Variants in RALGPS1 observed in about 807,000 individuals in gnomAD.
RALGPS1 encodes the protein ras-specific guanine nucleotide-releasing factor RalGPS1.
RALGPS1 carries 19 observed loss-of-function variants against 78.8 expected under a neutral mutation model. The observed-to-expected ratio is 0.24, with a 90% CI of 0.17 to 0.35. The LOEUF is 0.35. Ranked by LOEUF, RALGPS1 falls within the 10% of genes least tolerant of loss-of-function variation. RALGPS1 has a pLI of 1.00. For missense variants in RALGPS1, 454 were observed against 688.3 expected (o/e 0.66, Z 3.81); for synonymous variants, 228 against 256.3 (o/e 0.89, Z 1.06).
chr9:127,213,563 A>T (rs1455226135), intron 17 of RALGPS1, among the ~76,000 whole-genome samples: 2 of 152,178 alleles, frequency 1.3e-5, no homozygotes, highest in Non-Finnish European at 2.9e-5. Flanking sequence ...AGGAGGAGAG[A>T]TTCTGGATGC....
Position 127,211,285 on chromosome 9 carries a change from G to A in RALGPS1, c.1248-846G>A, listed in dbSNP as rs1000414993. Among the ~76,000 whole-genome samples the A allele has an allele frequency of 6.6e-6, 1 of 152,192 alleles. No homozygotes were observed. Among genetic ancestry groups the A allele is most frequent in the Non-Finnish European group, 1.5e-5 (1 of 68,028 alleles). ...CTGTGGGCAGGTGGAGGAGAGGAGA[G>A]GGGGAGGGTGGAGGCACTGGCCGGT... On this transcript the variant is annotated intron_variant, in intron 14 of 18. Transcript: ENST00000259351. The surrounding 1 kb of genome is among the most constrained non-coding windows in gnomAD (Gnocchi z 5.0).
At chr9:127,166,311 A>G in intron 9 of RALGPS1, 105 bp downstream of exon 9, 1 of 1,364,230 alleles carries the variant, frequency 7.3e-7, no homozygotes, top group Non-Finnish European at 1.0e-6. Context: ...AAAGTTCCTC[A>G]TTTTAATATA....
chr9:127,191,918 T>G (rs569688323), intron 11 of RALGPS1, among the ~76,000 whole-genome samples: 2 of 152,102 alleles, frequency 1.3e-5, no homozygotes, highest in East Asian at 1.9e-4. Context: ...AGGATGGTCT[T>G]GATCTCCTGA....
chr9:127,153,513 A>G (rs2058545239), intron 8 of RALGPS1, among the ~76,000 whole-genome samples: 1 of 148,732 alleles, frequency 6.7e-6, no homozygotes. Flanking sequence ...GTTCTGCTGT[A>G]TACCCCTGTG....
chr9:126,916,863 A>G (rs2034222049), intron 1 of RALGPS1, among the ~76,000 whole-genome samples: 1 of 152,198 alleles, frequency 6.6e-6, no homozygotes, highest in African/African-American at 2.4e-5. Context: ...AGGGGCGGGG[A>G]GAAGGAAGCA....
At chr9:127,058,776 T>G (rs973281762) in intron 7 of RALGPS1, among the ~76,000 whole-genome samples, 51 of 152,196 alleles carry the variant, frequency 3.4e-4, no homozygotes, top group African/African-American at 1.2e-3. Context: ...TGTGCGCATG[T>G]ACATAAACAC....
rs765022403 is a variant in RALGPS1, at chr9:127,069,289, A to G, written c.543A>G (p.Glu181=). The G allele has an allele frequency of 6.2e-7, 1 of 1,613,694 alleles. No homozygotes were observed. Among genetic ancestry groups the G allele is most frequent in the South Asian group, 1.1e-5 (1 of 91,072 alleles). Reference sequence around the variant, plus strand: ...AATTGGACTACCTGATGTCGAAAGAAGATAATTACAAGCGGACACGGGAAT... The same window carrying G: ...AATTGGACTACCTGATGTCGAAAGAGGATAATTACAAGCGGACACGGGAAT... ...FEKLDYLMSK[E]DNYKRTREYI... is the part of the protein sequence containing the mutation. The change falls in exon 8 of 19, where the codon GAA becomes GAG. Residue 181 remains glutamate (E), a synonymous_variant. Coordinates refer to ENST00000259351, the MANE Select transcript of RALGPS1 (RefSeq NM_014636.3).
chr9:126,991,382 C>G (rs1479591109), intron 4 of RALGPS1, among the ~76,000 whole-genome samples: 1 of 152,076 alleles, frequency 6.6e-6, no homozygotes, highest in Non-Finnish European at 1.5e-5. Context: ...AACTTCGAGA[C>G]TCATTTTTTT....
rs191485612 is a variant in RALGPS1, at chr9:127,132,399, C to T, written c.611-33670C>T. 1.3e-3 allele frequency among the ~76,000 whole-genome samples: 193 copies of T among 152,364 alleles called. 4 individuals are homozygous for T. The highest frequency in any genetic ancestry group is 8.8e-3 in the Admixed American group (135 of 15,310). On this transcript the variant is annotated intron_variant, in intron 8 of 18. Coordinates refer to ENST00000259351, the MANE Select transcript of RALGPS1 (RefSeq NM_014636.3). ...TTCTGTGAATTATCTACCACCACCA[C>T]AACAAAACACCTGAAGCATGGCTCA...
intron 11 of RALGPS1, among the ~76,000 whole-genome samples, chr9:127,192,208 G>A (rs183655962): frequency 1.0e-3 from 159 of 152,352 alleles, no homozygotes; most frequent in African/African-American, 3.7e-3. Context: ...GACAAGAGAG[G>A]TGGGCAGGGA....
chr9:126,919,513 T>G (rs1251308498), intron 1 of RALGPS1, among the ~76,000 whole-genome samples: 1 of 152,262 alleles, frequency 6.6e-6, no homozygotes, highest in Non-Finnish European at 1.5e-5. Flanking sequence ...CTCTGTCACT[T>G]ACTGGCTGTG....
intron 8 of RALGPS1, among the ~76,000 whole-genome samples, chr9:127,097,253 T>G (rs1361045508): frequency 6.6e-6 from 1 of 152,276 alleles, no homozygotes; most frequent in African/African-American, 2.4e-5. Flanking sequence ...TGTTATGATG[T>G]AGAAGAAGTT....
chr9:126,929,586 G>A (rs2035611596), intron 1 of RALGPS1, among the ~76,000 whole-genome samples: 1 of 151,954 alleles, frequency 6.6e-6, no homozygotes, highest in South Asian at 2.1e-4. Flanking sequence ...CGAGTAGCTG[G>A]GATTACAGGC....
At position 127,093,951 on chromosome 9, in the gene RALGPS1, A is replaced by G. The variant is rs752731163; in HGVS notation, c.610+24595A>G. On this transcript the variant is annotated intron_variant, in intron 8 of 18. Coordinates refer to ENST00000259351, the MANE Select transcript of RALGPS1 (RefSeq NM_014636.3). ...CCTGGGGACACAGACATGCATATACATCACAGACCTGCCTGTCACCAGGCC... is the reference window on the plus strand; with the variant it reads ...CCTGGGGACACAGACATGCATATACGTCACAGACCTGCCTGTCACCAGGCC... 7 of 1,603,694 alleles carry G rather than the reference A, an allele frequency of 4.4e-6. 1 individual carries two copies. In the South Asian group the frequency reaches 4.4e-5, roughly 10 times the overall value.
intron 8 of RALGPS1, among the ~76,000 whole-genome samples, chr9:127,152,097 C>A (rs540314246): frequency 1.3e-5 from 2 of 152,070 alleles, no homozygotes; most frequent in South Asian, 2.1e-4. Flanking sequence ...CGCATCCACC[C>A]GCAGTTTCAT....
chr9:127,176,502 C>A (rs180896490), intron 11 of RALGPS1, among the ~76,000 whole-genome samples: 2 of 152,294 alleles, frequency 1.3e-5, no homozygotes, highest in Non-Finnish European at 2.9e-5. Context: ...CAAAGACTAG[C>A]CTATTGCATC....
At chr9:127,188,979 G>A (rs376872026) in intron 11 of RALGPS1, among the ~76,000 whole-genome samples, 1 of 134,606 alleles carries the variant, frequency 7.4e-6, no homozygotes, top group Non-Finnish European at 1.6e-5. Flanking sequence ...CAGCCTGGGC[G>A]ACAGAGCAAG....
chr9:126,974,411 C>T (rs2040410836), intron 3 of RALGPS1, among the ~76,000 whole-genome samples: 1 of 152,008 alleles, frequency 6.6e-6, no homozygotes, highest in Non-Finnish European at 1.5e-5. Flanking sequence ...AAGCCAACAG[C>T]TTTTTTTGTT....
chr9:127,088,373 G>A (rs1262718815), intron 8 of RALGPS1: 2 of 153,426 alleles, frequency 1.3e-5, no homozygotes, highest in Admixed American at 1.3e-4. Context: ...GATGCCAAGG[G>A]TGATCCTTTC....
Sources: gnomAD v4.1 joint callset for allele counts (sites outside exome capture counted in the v4.1 genomes callset) on GRCh38, gnomAD v4.1.1 for gene constraint, Gnocchi (gnomAD v3.1) non-coding constraint, MANE v1.5 for transcripts, NCBI Gene and HGNC (gene_info 2026-07-23, HGNC 2026-07-21) for gene names.